KDM3A: variants seen among roughly 807,000 people sequenced by gnomAD.
The protein encoded by KDM3A is lysine demethylase 3A, also known as lysine-specific demethylase 3A.
A neutral mutation model predicts 158.0 loss-of-function variants in KDM3A; 60 were observed. The observed-to-expected ratio is 0.38, with a 90% CI of 0.31 to 0.47. KDM3A has a LOEUF of 0.47. Ranked by LOEUF, KDM3A falls within the 20% of genes least tolerant of loss-of-function variation. KDM3A has a pLI of 0.99. For synonymous variants in KDM3A, 608 were observed against 549.3 expected, an observed-to-expected ratio of 1.11 and a Z score of -1.49; for missense variants, 1,319 against 1,574.3, an observed-to-expected ratio of 0.84 and a Z score of 2.74.
At chr2:86,463,345 C>G (rs1029728819) in intron 8 of KDM3A, among the ~76,000 whole-genome samples, 8 of 152,046 alleles carry the variant, frequency 5.3e-5, no homozygotes, top group Non-Finnish European at 1.0e-4. Context: ...TTGAGTTTCT[C>G]CTTTCTTTTT....
chr2:86,489,676 A>G lies in KDM3A; in HGVS notation c.3573+17A>G. 1 of 1,601,500 alleles carries G rather than the reference A, an allele frequency of 6.2e-7. No homozygotes were observed. Among genetic ancestry groups the G allele is most frequent in the Non-Finnish European group, 8.5e-7 (1 of 1,174,178 alleles). Reference sequence around the variant, plus strand: ...CTTAAAAAGGTGTGCTGCTTATGGCATGTGTGAACAGAGGCATAAGGAATA... The same window carrying G: ...CTTAAAAAGGTGTGCTGCTTATGGCGTGTGTGAACAGAGGCATAAGGAATA... On this transcript the variant is annotated intron_variant, in intron 23 of 25. Transcript: ENST00000312912.
In KDM3A at chr2:86,489,307, T is replaced by G. The variant is rs1338741432; in HGVS notation, c.3314-11T>G. 1.9e-6 allele frequency: 3 copies of G among 1,611,222 alleles called. No individual in the cohort carries two copies. Among genetic ancestry groups the G allele is most frequent in the Admixed American group, 3.4e-5 (2 of 59,552 alleles). On this transcript the variant is annotated splice_polypyrimidine_tract_variant and intron_variant, in intron 21 of 25. Transcript: ENST00000312912. ...GTCTTTTGTAAAACTTAAGGCACTT[T>G]GTTTTTGCAGGATTAATCACTCCTG...
At chr2:86,478,912 C>G (rs1276260603) in intron 15 of KDM3A, 177 bp downstream of exon 15, 2 of 584,292 alleles carry the variant, frequency 3.4e-6, no homozygotes, top group Non-Finnish European at 5.8e-6. Flanking sequence ...CCCGTTCTGA[C>G]TTTTCACATT....
intron 2 of KDM3A, among the ~76,000 whole-genome samples, chr2:86,449,279 C>T (rs573486793): frequency 6.6e-6 from 1 of 152,310 alleles, no homozygotes; most frequent in East Asian, 1.9e-4. Context: ...CTAGCTTATT[C>T]AACTGAAAGG....
At chr2:86,455,285 TTC>T (rs1313274792) in intron 5 of KDM3A, 98 bp downstream of exon 5, 13 of 715,156 alleles carry the variant, frequency 1.8e-5, no homozygotes, top group Non-Finnish European at 1.2e-5. Context: ...TCATGGAAAT[TTC>T]TTTTTTCTTT....
At chr2:86,446,853 C>T (rs183976612) in intron 2 of KDM3A, among the ~76,000 whole-genome samples, 1 of 152,296 alleles carries the variant, frequency 6.6e-6, no homozygotes, top group African/African-American at 2.4e-5. Context: ...ACTCTGTCAC[C>T]CAGGCTGAAG....
chr2:86,444,424 A>G (rs1368092924), intron 2 of KDM3A, among the ~76,000 whole-genome samples: 1 of 152,166 alleles, frequency 6.6e-6, no homozygotes, highest in Non-Finnish European at 1.5e-5. Context: ...TTATCACTGC[A>G]TTCCTTAGTT....
intron 19 of KDM3A, 65 bp downstream of exon 19, chr2:86,484,223 A>G (rs1451759491): frequency 7.1e-7 from 1 of 1,404,688 alleles, no homozygotes; most frequent in South Asian, 1.3e-5. Flanking sequence ...GAATGGCAGG[A>G]GTCTGAGACC....
chr2:86,450,054 G>A, intron 3 of KDM3A, 92 bp downstream of exon 3: 2 of 1,331,586 alleles, frequency 1.5e-6, no homozygotes, highest in Admixed American at 2.5e-5. Context: ...ATGCCAGAAA[G>A]TCAGAAAAGC....
intron 2 of KDM3A, among the ~76,000 whole-genome samples, chr2:86,444,481 C>T (rs72930349): frequency 0.14 from 20,613 of 151,864 alleles, 1,519 homozygotes; most frequent in Non-Finnish European, 0.16. Context: ...TAAAAAAAAC[C>T]AGGATTTTAT....
At chr2:86,442,370 T>C in intron 2 of KDM3A, 137 bp downstream of exon 2, 1 of 800,288 alleles carries the variant, frequency 1.2e-6, no homozygotes, top group Non-Finnish European at 2.0e-6. Context: ...GGAAGCTAGA[T>C]CTTGAAAGTC....
chr2:86,492,093 A>G lies in KDM3A; in HGVS notation c.3940A>G (p.Ser1314Gly). The G allele has an allele frequency of 1.2e-6, 2 of 1,613,534 alleles. No individual in the cohort carries two copies. Among genetic ancestry groups the G allele is most frequent in the Non-Finnish European group, 8.5e-7 (1 of 1,179,558 alleles). The change falls in exon 26 of 26, where the codon AGT becomes GGT. Residue 1314 changes from serine (S) to glycine (G), a missense_variant. Coordinates refer to ENST00000312912, the MANE Select transcript of KDM3A (RefSeq NM_018433.6). ...AGATGCAGTTGCTATGCTGAAAGCC[A>G]GTGAATCCAGTTTTGGCAAACCTTA... ...VKDAVAMLKA[S>G]ESSFGKP
intron 21 of KDM3A, among the ~76,000 whole-genome samples, chr2:86,486,432 C>T (rs891142185): frequency 1.3e-5 from 2 of 152,206 alleles, no homozygotes; most frequent in Admixed American, 6.5e-5. Flanking sequence ...ATCATTATAA[C>T]TGAGATCTTC....
At chr2:86,439,338 A>T (rs6547690), upstream of KDM3A, among the ~76,000 whole-genome samples, 117,827 of 151,480 alleles carry the variant, frequency 0.78, 46,193 homozygotes, top group East Asian at 0.96. Flanking sequence ...ACCTAAAAAA[A>T]ATGCTGCTGG....
rs540134106 is a variant in KDM3A, at chr2:86,449,031, C to T, written c.187-776C>T. Among the ~76,000 whole-genome samples the T allele has an allele frequency of 3.9e-5, 6 of 152,248 alleles. No homozygotes were observed. In the South Asian group the frequency reaches 1.2e-3, roughly 32 times the overall value. On this transcript the variant is annotated intron_variant, in intron 2 of 25. Transcript: ENST00000312912. Reference sequence around the variant, plus strand: ...GAAGCCCACTTTTAGACTGAATTTTCTTAATGTCTTTAAATATGTATACAG... The same window carrying T: ...GAAGCCCACTTTTAGACTGAATTTTTTTAATGTCTTTAAATATGTATACAG...
Position 86,482,455 on chromosome 2 carries a change from C to G in KDM3A, c.2686-3C>G. ...TGAGACTTTTGTTCTTTCTCCAATTCAGACAGAAAATGGACTCAAGAATAC... is the reference window on the plus strand; with the variant it reads ...TGAGACTTTTGTTCTTTCTCCAATTGAGACAGAAAATGGACTCAAGAATAC... On this transcript the variant is annotated splice_region_variant and splice_polypyrimidine_tract_variant and intron_variant, in intron 17 of 25. Coordinates refer to ENST00000312912, the MANE Select transcript of KDM3A (RefSeq NM_018433.6). The G allele has an allele frequency of 6.2e-7, 1 of 1,611,840 alleles. No homozygotes were observed. The highest frequency in any genetic ancestry group is 8.5e-7 in the Non-Finnish European group (1 of 1,179,286).
Position 86,481,923 on chromosome 2 carries a change from ATTTTAGAAAAACAACC to A in KDM3A, c.2513-6_2522del. The A allele has an allele frequency of 6.2e-7, 1 of 1,606,432 alleles. No individual in the cohort carries two copies. The highest frequency in any genetic ancestry group is 8.5e-7 in the Non-Finnish European group (1 of 1,175,446). On this transcript the variant is annotated splice_acceptor_variant and splice_polypyrimidine_tract_variant and coding_sequence_variant and intron_variant, in exon 17 of 26. Coordinates refer to ENST00000312912, the MANE Select transcript of KDM3A (RefSeq NM_018433.6). LOFTEE classifies it high-confidence loss of function. Reference sequence around the variant, plus strand: ...TTTTTCATCTGGATGTTTTGGTTTTATTTTAGAAAAACAACCAACAATGCCAATTTTAAAGAATGAA... The same window carrying A: ...TTTTTCATCTGGATGTTTTGGTTTTAAACAATGCCAATTTTAAAGAATGAA...
At position 86,480,147 on chromosome 2, in the gene KDM3A, TC is replaced by T. The variant is rs1192043987; in HGVS notation, c.2317-18del. The T allele has an allele frequency of 1.9e-6, 3 of 1,586,456 alleles. No individual in the cohort carries two copies. The highest frequency in any genetic ancestry group is 2.6e-6 in the Non-Finnish European group (3 of 1,158,774). On this transcript the variant is annotated intron_variant, in intron 15 of 25. Coordinates refer to ENST00000312912, the MANE Select transcript of KDM3A (RefSeq NM_018433.6). The stretch of plus-strand genomic sequence containing the variant: ...TCATTCTTCAGCTTATGTAAAATCG[TC>T]CTTTAATGCTTAACACAGACTTCTT...
chr2:86,488,647 C>T (rs1674302803), intron 21 of KDM3A: 1 of 152,262 alleles, frequency 6.6e-6, no homozygotes, highest in Admixed American at 6.5e-5. Context: ...ACAGCCGCTG[C>T]TTGCTCACTA....
Sources: gnomAD v4.1 joint callset for allele counts (sites outside exome capture counted in the v4.1 genomes callset) on GRCh38, gnomAD v4.1.1 for gene constraint, MANE v1.5 for transcripts, NCBI Gene and HGNC (gene_info 2026-07-23, HGNC 2026-07-21) for gene names.